ST8SIA6: variants seen among roughly 807,000 people sequenced by gnomAD.
The protein encoded by ST8SIA6 is alpha-2,8-sialyltransferase 8F.
A neutral mutation model predicts 33.6 loss-of-function variants in ST8SIA6; 39 were observed. That is an observed-to-expected ratio of 1.16 (90% CI 0.90 to 1.52). The LOEUF (loss-of-function observed/expected upper bound fraction) is 1.52, where lower values mean the gene tolerates loss of function less well. Ranked by LOEUF, ST8SIA6 falls within the 40% of genes most tolerant of loss-of-function variation. The pLI, the probability that ST8SIA6 is intolerant of heterozygous loss-of-function variation, is 0.00. For synonymous variants in ST8SIA6, 172 were observed against 167.2 expected (o/e 1.03, Z -0.22); for missense variants, 441 against 443.8 (o/e 0.99, Z 0.06).
chr10:17,374,635 A>C lies in ST8SIA6; in HGVS notation c.291-15035T>G, dbSNP rs963562912. Among the ~76,000 whole-genome samples, 4 of 150,580 alleles carry C rather than the reference A, an allele frequency of 2.7e-5. No homozygotes were observed. In the East Asian group the frequency reaches 5.9e-4, roughly 22 times the overall value. On this transcript the variant is annotated intron_variant, in intron 3 of 7. Coordinates refer to ENST00000377602, the MANE Select transcript of ST8SIA6 (RefSeq NM_001004470.3). The stretch of plus-strand genomic sequence containing the variant: ...AGGCGGAGGTAGGAGAATCACTTGA[A>C]ACTAGGAGGCAGAGGTTGCAGTGAG...
rs1478929029 is a variant in ST8SIA6 at position 17,318,441 on chromosome 10, C to T, written c.*2437G>A. 6.0e-6 allele frequency: 2 copies of T among 333,226 alleles called. No individual in the cohort carries two copies. The highest frequency in any genetic ancestry group is 2.2e-5 in the African/African-American group (1 of 46,246). The allele number at this position is 333,226 out of a possible 1,614,324, so 20.6% of individuals were successfully genotyped here. ...ATGTTGCCCAGGCTAGTCTCAAACTCCTGGCCTCAAGTGACCCACCCACCT... is the reference window on the plus strand; with the variant it reads ...ATGTTGCCCAGGCTAGTCTCAAACTTCTGGCCTCAAGTGACCCACCCACCT... On this transcript the variant is annotated 3_prime_UTR_variant, in exon 8 of 8. Coordinates refer to ENST00000377602, the MANE Select transcript of ST8SIA6 (RefSeq NM_001004470.3).
chr10:17,439,275 T>C (rs1050825887), intron 2 of ST8SIA6, among the ~76,000 whole-genome samples: 2 of 139,086 alleles, frequency 1.4e-5, no homozygotes, highest in Non-Finnish European at 3.0e-5. Flanking sequence ...CCCTCTCTTT[T>C]TTTTTTTTTT....
chr10:17,444,273 C>A (rs911441745), intron 2 of ST8SIA6, among the ~76,000 whole-genome samples: 14 of 152,184 alleles, frequency 9.2e-5, no homozygotes, highest in African/African-American at 3.1e-4. Context: ...GCAGGGAAAC[C>A]ACCTTTGCTT....
chr10:17,404,945 A>G (rs1851198719), intron 2 of ST8SIA6, among the ~76,000 whole-genome samples: 1 of 152,202 alleles, frequency 6.6e-6, no homozygotes, highest in Non-Finnish European at 1.5e-5. Context: ...TCTTATCCAT[A>G]GGTATGCAAA....
At chr10:17,378,998 C>T (rs528808188) in intron 3 of ST8SIA6, among the ~76,000 whole-genome samples, 13 of 152,008 alleles carry the variant, frequency 8.6e-5, no homozygotes, top group African/African-American at 1.9e-4. Flanking sequence ...TGGTGGCAGG[C>T]GCCTGTAGTC....
chr10:17,413,686 TA>T (rs1851521370), intron 2 of ST8SIA6, among the ~76,000 whole-genome samples: 1 of 152,222 alleles, frequency 6.6e-6, no homozygotes, highest in Non-Finnish European at 1.5e-5. Flanking sequence ...ACAATTTTGA[TA>T]TTCTTCTTCA....
At chr10:17,424,149 G>A (rs1189916785) in intron 2 of ST8SIA6, among the ~76,000 whole-genome samples, 1 of 150,732 alleles carries the variant, frequency 6.6e-6, no homozygotes, top group Non-Finnish European at 1.5e-5. Flanking sequence ...TGTTGCCCAG[G>A]CTGGAGTGCA....
At chr10:17,447,182 A>T (rs1010631911) in intron 2 of ST8SIA6, among the ~76,000 whole-genome samples, 15 of 152,076 alleles carry the variant, frequency 9.9e-5, no homozygotes, top group African/African-American at 3.6e-4. Context: ...CGAGGTCAGG[A>T]GTTGGAGACC....
intron 2 of ST8SIA6, among the ~76,000 whole-genome samples, chr10:17,419,961 C>G (rs996604866): frequency 1.2e-4 from 19 of 152,268 alleles, no homozygotes; most frequent in Admixed American, 6.5e-5. Flanking sequence ...TTTATATCAT[C>G]AGAATTTCCT....
chr10:17,325,503 A>T (rs924493517), intron 6 of ST8SIA6, among the ~76,000 whole-genome samples: 1 of 150,756 alleles, frequency 6.6e-6, no homozygotes, highest in African/African-American at 2.4e-5. Context: ...ACTGTAATAC[A>T]TATATGTGTA....
intron 3 of ST8SIA6, among the ~76,000 whole-genome samples, chr10:17,373,991 A>T (rs1849810678): frequency 6.6e-6 from 1 of 152,042 alleles, no homozygotes; most frequent in South Asian, 2.1e-4. Context: ...AGTAAAAATG[A>T]TAGTAAGGAA....
At chr10:17,435,721 G>A (rs1852234010) in intron 2 of ST8SIA6, among the ~76,000 whole-genome samples, 1 of 132,884 alleles carries the variant, frequency 7.5e-6, no homozygotes, top group Non-Finnish European at 1.6e-5. Context: ...TTGGGGGGGT[G>A]GGGGGCAGGC....
At position 17,320,579 on chromosome 10, in the gene ST8SIA6, T is replaced by C. The variant is rs1847910326; in HGVS notation, c.*299A>G. 2 of 341,488 alleles carry C rather than the reference T, an allele frequency of 5.9e-6. No individual in the cohort carries two copies. Among genetic ancestry groups the C allele is most frequent in the East Asian group, 6.2e-5 (1 of 16,034 alleles). 21.2% of individuals were successfully genotyped at this position (341,488 alleles called of 1,614,324 possible). ...TGAAGGTGGAGATGGCTGGTATAAA[T>C]AGTAAGAAAGAAATATTCTTTGAGT... On this transcript the variant is annotated 3_prime_UTR_variant, in exon 8 of 8. Transcript: ENST00000377602.
intron 2 of ST8SIA6, among the ~76,000 whole-genome samples, chr10:17,446,501 A>ATAAAAATG (rs1469267365): frequency 5.3e-5 from 8 of 152,244 alleles, no homozygotes; most frequent in African/African-American, 1.9e-4. Context: ...ATTGTAAAGA[A>ATAAAAATG]TAAAAATGTA....
chr10:17,398,747 T>C (rs549368832), intron 2 of ST8SIA6, among the ~76,000 whole-genome samples: 5 of 152,298 alleles, frequency 3.3e-5, no homozygotes, highest in African/African-American at 9.6e-5. Context: ...TCTTTCCATA[T>C]ACTTAGAAAC....
chr10:17,340,055 TAA>T (rs1391251827), intron 4 of ST8SIA6, among the ~76,000 whole-genome samples: 1 of 152,220 alleles, frequency 6.6e-6, no homozygotes, highest in African/African-American at 2.4e-5. Context: ...ACTATTCCTC[TAA>T]AGCCATTGCC....
intron 2 of ST8SIA6, among the ~76,000 whole-genome samples, chr10:17,424,733 C>A (rs537273714): frequency 2.0e-5 from 3 of 151,670 alleles, no homozygotes; most frequent in Admixed American, 6.6e-5. Flanking sequence ...TACATAACAT[C>A]ATAAATTTTT....
chr10:17,356,595 C>T (rs1849198411), intron 4 of ST8SIA6, among the ~76,000 whole-genome samples: 2 of 152,016 alleles, frequency 1.3e-5, no homozygotes, highest in South Asian at 4.1e-4. Context: ...ACCATGTTGG[C>T]CAGGCCAGTT....
chr10:17,447,846 ACT>A (rs369916414), intron 2 of ST8SIA6, among the ~76,000 whole-genome samples: 3 of 152,136 alleles, frequency 2.0e-5, no homozygotes, highest in African/African-American at 7.2e-5. Flanking sequence ...ATAGAGTCTC[ACT>A]CTGTTGTCCA....
Sources: allele counts gnomAD v4.1 joint callset (sites outside exome capture counted in the v4.1 genomes callset), GRCh38; gene constraint gnomAD v4.1.1; transcripts MANE v1.5; gene names NCBI Gene and HGNC (gene_info 2026-07-23, HGNC 2026-07-21).